The following ARFGAP3 variants were observed in gnomAD, a reference collection of about 807,000 sequenced individuals.
ARFGAP3 encodes ARF GTPase activating protein 3, also known as ADP-ribosylation factor GTPase-activating protein 3.
Under a neutral mutation model 75.0 loss-of-function variants are expected in ARFGAP3, and 72 were observed. That is an observed-to-expected ratio of 0.96 (90% CI 0.79 to 1.17). The LOEUF is 1.17. Among genes scored for constraint, ARFGAP3 ranks in the 50% most tolerant of loss-of-function variants. ARFGAP3 has a pLI of 0.00. For missense variants in ARFGAP3, 620 were observed against 626.6 expected (o/e 0.99, Z 0.11); for synonymous variants, 221 against 217.9 (o/e 1.01, Z -0.13).
At chr22:42,809,020 G>A in intron 12 of ARFGAP3, 130 bp from the exon 13 acceptor site, 2 of 1,113,522 alleles carry the variant, frequency 1.8e-6, no homozygotes, top group Non-Finnish European at 2.3e-6. Flanking sequence ...GTTTTTAAAA[G>A]CCTGAAAATT....
chr22:42,834,056 G>T (rs143607330), intron 5 of ARFGAP3, among the ~76,000 whole-genome samples, 186 bp downstream of exon 5: 1 of 152,228 alleles, frequency 6.6e-6, no homozygotes, highest in East Asian at 1.9e-4. Context: ...AGCAAAGTAA[G>T]TCCATCAGTC....
At chr22:42,811,226 C>T (rs1925355065) in intron 11 of ARFGAP3, among the ~76,000 whole-genome samples, 1 of 152,216 alleles carries the variant, frequency 6.6e-6, no homozygotes, top group Non-Finnish European at 1.5e-5. Context: ...TCAGTCTGGA[C>T]AATCAAGATG....
Position 42,817,125 on chromosome 22 carries a change from G to A in ARFGAP3, c.1064+17C>T, listed in dbSNP as rs1402395513. 4 of 1,537,304 alleles carry A rather than the reference G, an allele frequency of 2.6e-6. No individual in the cohort carries two copies. In the South Asian group the frequency reaches 4.5e-5, roughly 17 times the overall value. Reference sequence around the variant, plus strand: ...CTTTTCAAAATGACACTTCAACGATGATTTGTAATACAGTACCTTGAGCTG... The same window carrying A: ...CTTTTCAAAATGACACTTCAACGATAATTTGTAATACAGTACCTTGAGCTG... On this transcript the variant is annotated intron_variant, in intron 11 of 15. Coordinates refer to ENST00000263245, the MANE Select transcript of ARFGAP3 (RefSeq NM_014570.5).
chr22:42,849,382 G>T (rs1011961087), intron 1 of ARFGAP3, among the ~76,000 whole-genome samples: 2 of 152,180 alleles, frequency 1.3e-5, no homozygotes, highest in African/African-American at 4.8e-5. Context: ...TTAGATGCAG[G>T]TTCATAACCG....
At chr22:42,841,396 G>A (rs1242854256) in intron 2 of ARFGAP3, among the ~76,000 whole-genome samples, 2 of 152,132 alleles carry the variant, frequency 1.3e-5, no homozygotes, top group African/African-American at 4.8e-5. Context: ...CAGTTTGATC[G>A]CTACCAGAAG....
At chr22:42,810,159 T>C (rs1386807094) in intron 12 of ARFGAP3, among the ~76,000 whole-genome samples, 1 of 151,684 alleles carries the variant, frequency 6.6e-6, no homozygotes, top group Non-Finnish European at 1.5e-5. Context: ...ACTTCCTATT[T>C]AGAATCAGTA....
intron 2 of ARFGAP3, among the ~76,000 whole-genome samples, chr22:42,847,068 A>G (rs1216850030): frequency 6.6e-6 from 1 of 152,194 alleles, no homozygotes; most frequent in Non-Finnish European, 1.5e-5. Context: ...AGCCGCTTAC[A>G]TGATAACCCA....
chr22:42,848,833 C>T (rs757257797), intron 1 of ARFGAP3, among the ~76,000 whole-genome samples: 1 of 152,226 alleles, frequency 6.6e-6, no homozygotes, highest in Non-Finnish European at 1.5e-5. Context: ...ACCACCCTCA[C>T]TTTACCAAGG....
intron 15 of ARFGAP3, among the ~76,000 whole-genome samples, chr22:42,798,031 C>T (rs1285686174): frequency 6.6e-6 from 1 of 152,174 alleles, no homozygotes; most frequent in Non-Finnish European, 1.5e-5. Flanking sequence ...CCTTCTGTGC[C>T]TCAATTCCTT....
chr22:42,817,645 T>C, intron 10 of ARFGAP3, 84 bp downstream of exon 10: 1 of 1,147,754 alleles, frequency 8.7e-7, no homozygotes. Context: ...TCTCTAAAGT[T>C]GAAACTAACA....
chr22:42,848,315 T>C (rs1189010573), intron 1 of ARFGAP3, among the ~76,000 whole-genome samples: 1 of 152,086 alleles, frequency 6.6e-6, no homozygotes, highest in Non-Finnish European at 1.5e-5. Context: ...TTCATGCCAT[T>C]CTCCTGCCTC....
At chr22:42,819,360 G>A (rs1925714166) in intron 9 of ARFGAP3, among the ~76,000 whole-genome samples, 1 of 152,174 alleles carries the variant, frequency 6.6e-6, no homozygotes, top group African/African-American at 2.4e-5. Flanking sequence ...GATGCATGGG[G>A]ATGAAAAGGT....
At chr22:42,797,878 T>C (rs1330709941) in intron 15 of ARFGAP3, among the ~76,000 whole-genome samples, 1 of 152,084 alleles carries the variant, frequency 6.6e-6, no homozygotes, top group Non-Finnish European at 1.5e-5. Context: ...GGGAGCAAAG[T>C]GGGCGGGAGG....
chr22:42,817,384 T>A, intron 10 of ARFGAP3, 120 bp from the exon 11 acceptor site: 1 of 1,367,658 alleles, frequency 7.3e-7, no homozygotes. Context: ...GTTAAAAACA[T>A]AAGCAATAAA....
chr22:42,800,191 G>A (rs1040133166), intron 14 of ARFGAP3, among the ~76,000 whole-genome samples: 2 of 152,018 alleles, frequency 1.3e-5, no homozygotes, highest in Admixed American at 6.6e-5. Context: ...GAGTAGCCAC[G>A]CCCAGCTACT....
intron 6 of ARFGAP3, 64 bp downstream of exon 6, chr22:42,831,484 TA>T: frequency 1.3e-6 from 2 of 1,531,950 alleles, no homozygotes; most frequent in South Asian, 2.3e-5. Flanking sequence ...TCTTAATTTT[TA>T]ATAGTTTCAT....
At chr22:42,809,063 G>A (rs1193826475) in intron 12 of ARFGAP3, 173 bp from the exon 13 acceptor site, 8 of 482,756 alleles carry the variant, frequency 1.7e-5, no homozygotes, top group African/African-American at 2.1e-5. Context: ...ATACCCAAAC[G>A]ATACAAAATT....
At chr22:42,814,279 A>ATAAT (rs1925487708) in intron 11 of ARFGAP3, among the ~76,000 whole-genome samples, 1 of 152,212 alleles carries the variant, frequency 6.6e-6, no homozygotes, top group African/African-American at 2.4e-5. Flanking sequence ...CATCGAACTA[A>ATAAT]TATATTTGCT....
intron 9 of ARFGAP3, among the ~76,000 whole-genome samples, chr22:42,818,132 A>G (rs1161341662): frequency 6.6e-6 from 1 of 152,228 alleles, no homozygotes; most frequent in African/African-American, 2.4e-5. Context: ...ATAATAACAT[A>G]ATGTATACCC....
Sources: gnomAD v4.1 joint callset for allele counts (sites outside exome capture counted in the v4.1 genomes callset) on GRCh38, gnomAD v4.1.1 for gene constraint, MANE v1.5 for transcripts, NCBI Gene and HGNC (gene_info 2026-07-23, HGNC 2026-07-21) for gene names.